The following SAMMSON variants were observed in gnomAD, a reference collection of about 807,000 sequenced individuals.
SAMMSON encodes long intergenic non-protein coding RNA 1212.
chr3:70,000,298 G>A (rs1373318352), intron 1 of SAMMSON, among the ~76,000 whole-genome samples: 3 of 152,188 alleles, frequency 2.0e-5, no homozygotes, highest in Non-Finnish European at 4.4e-5. Flanking sequence ...GGGCGCTGAA[G>A]AAACGAGCCA....
intron 3 of SAMMSON, among the ~76,000 whole-genome samples, chr3:70,064,438 A>G (rs1217799030): frequency 2.6e-5 from 4 of 152,174 alleles, no homozygotes; most frequent in Admixed American, 2.6e-4. Context: ...AAGGAATAAT[A>G]TTGCAATCCG....
At chr3:70,108,423 C>CTGTTTTTTTTTTTTTTTTTTTTTTTT (rs2067375584) in intron 4 of SAMMSON, among the ~76,000 whole-genome samples, 1 of 89,376 alleles carries the variant, frequency 1.1e-5, no homozygotes, top group Non-Finnish European at 2.2e-5. Context: ...CTTGCGGTTC[C>CTGTTTTTTTTTTTTTTTTTTTTTTTT]TTTTTTTTTT....
intron 4 of SAMMSON, among the ~76,000 whole-genome samples, chr3:70,167,122 C>G (rs1327032597): frequency 6.6e-6 from 1 of 151,920 alleles, no homozygotes; most frequent in Non-Finnish European, 1.5e-5. Flanking sequence ...ATCAGTATAA[C>G]TTTTTTTAAC....
intron 3 of SAMMSON, among the ~76,000 whole-genome samples, chr3:70,061,492 T>C (rs2067190355): frequency 6.6e-6 from 1 of 152,122 alleles, no homozygotes; most frequent in African/African-American, 2.4e-5. Context: ...TCTTGAAATA[T>C]CAGAGCATCT....
chr3:70,126,192 A>G, intron 4 of SAMMSON: 2 of 1,113,174 alleles, frequency 1.8e-6, no homozygotes, highest in Admixed American at 2.0e-5. Context: ...GTGTAATTAC[A>G]TTTTCTACTG....
intron 4 of SAMMSON, among the ~76,000 whole-genome samples, chr3:70,118,690 A>G (rs1217643459): frequency 2.6e-5 from 4 of 152,148 alleles, no homozygotes; most frequent in Non-Finnish European, 5.9e-5. Flanking sequence ...TCCAACATCT[A>G]CTTGCTTCCT....
intron 9 of SAMMSON, among the ~76,000 whole-genome samples, chr3:70,381,100 G>T (rs752476362): frequency 6.6e-6 from 1 of 152,060 alleles, no homozygotes; most frequent in Non-Finnish European, 1.5e-5. Flanking sequence ...ATTATTTTCT[G>T]ACAGCATCTT....
intron 4 of SAMMSON, among the ~76,000 whole-genome samples, chr3:70,077,457 T>A (rs527484876): frequency 4.1e-4 from 62 of 152,256 alleles, no homozygotes; most frequent in African/African-American, 1.4e-3. Flanking sequence ...AATGTTTCCT[T>A]GGGAATAAAG....
At chr3:70,098,032 T>A (rs1473506097) in intron 4 of SAMMSON, among the ~76,000 whole-genome samples, 1 of 152,218 alleles carries the variant, frequency 6.6e-6, no homozygotes, top group Non-Finnish European at 1.5e-5. Context: ...CTTGGGGAAC[T>A]TGATATTACT....
chr3:70,334,387 A>G (rs1001549422), intron 7 of SAMMSON, among the ~76,000 whole-genome samples: 2 of 152,056 alleles, frequency 1.3e-5, no homozygotes, highest in East Asian at 1.9e-4. Context: ...TGATATATAC[A>G]TGTAATATAT....
intron 3 of SAMMSON, among the ~76,000 whole-genome samples, chr3:70,022,443 A>T (rs909082632): frequency 3.3e-5 from 5 of 151,444 alleles, no homozygotes; most frequent in African/African-American, 1.2e-4. Flanking sequence ...AAAAAAAAAA[A>T]AAAAAAAGAA....
chr3:70,310,638 T>C (rs1327720690), intron 7 of SAMMSON, among the ~76,000 whole-genome samples: 1 of 152,018 alleles, frequency 6.6e-6, no homozygotes, highest in African/African-American at 2.4e-5. Flanking sequence ...AGTGCTGGGA[T>C]TATAGATGTG....
intron 7 of SAMMSON, among the ~76,000 whole-genome samples, chr3:70,332,120 C>A (rs1702625471): frequency 6.6e-6 from 1 of 152,130 alleles, no homozygotes; most frequent in African/African-American, 2.4e-5. Flanking sequence ...AAGGACATGG[C>A]AATGTAAGAC....
intron 3 of SAMMSON, among the ~76,000 whole-genome samples, chr3:70,047,523 G>C (rs1423826857): frequency 6.6e-6 from 1 of 151,954 alleles, no homozygotes; most frequent in Admixed American, 6.6e-5. Flanking sequence ...TTTTAGTAGA[G>C]ACGGGGTTTC....
chr3:70,104,128 A>T (rs1009717356), intron 4 of SAMMSON, among the ~76,000 whole-genome samples: 5 of 151,744 alleles, frequency 3.3e-5, no homozygotes, highest in African/African-American at 1.2e-4. Context: ...GCTTTTTATT[A>T]ATTGTATGAT....
At chr3:70,256,816 G>A (rs1204280749) in intron 6 of SAMMSON, among the ~76,000 whole-genome samples, 4 of 152,110 alleles carry the variant, frequency 2.6e-5, no homozygotes, top group Admixed American at 2.0e-4. Flanking sequence ...TACTAATACT[G>A]GAATGCAAAG....
chr3:70,269,709 T>C (rs1488642762), intron 6 of SAMMSON, among the ~76,000 whole-genome samples: 1 of 151,798 alleles, frequency 6.6e-6, no homozygotes, highest in African/African-American at 2.4e-5. Flanking sequence ...GGCAAAAAAC[T>C]AGGAATTAAT....
chr3:70,290,606 C>T (rs1270241567), intron 6 of SAMMSON, among the ~76,000 whole-genome samples: 1 of 152,238 alleles, frequency 6.6e-6, no homozygotes, highest in Non-Finnish European at 1.5e-5. Flanking sequence ...AGTTTCCGGG[C>T]TGTTTTGATT....
intron 9 of SAMMSON, among the ~76,000 whole-genome samples, chr3:70,367,813 T>C (rs1012144271): frequency 6.6e-6 from 1 of 151,800 alleles, no homozygotes; most frequent in East Asian, 1.9e-4. Context: ...GTGTTTTTCA[T>C]AATGGCTGTA....
Sources: allele counts gnomAD v4.1 joint callset (sites outside exome capture counted in the v4.1 genomes callset), GRCh38; gene constraint gnomAD v4.1.1; transcripts MANE v1.5; gene names NCBI Gene and HGNC (gene_info 2026-07-23, HGNC 2026-07-21).